GNAL: variants seen among roughly 807,000 people sequenced by gnomAD.
GNAL encodes the protein G protein subunit alpha L, also known as guanine nucleotide-binding protein G(olf) subunit alpha.
A neutral mutation model predicts 55.1 loss-of-function variants in GNAL; 18 were observed. The ratio of observed to expected loss-of-function variants is 0.33; its 90% CI spans 0.23 to 0.48. GNAL has a LOEUF of 0.48. GNAL is among the 20% of genes least tolerant of loss of function. The probability of loss-of-function intolerance (pLI) is 0.99; values close to 1 mark genes in which losing one functional copy is unlikely to be tolerated. For missense variants in GNAL, 412 were observed against 614.1 expected, an observed-to-expected ratio of 0.67 and a Z score of 3.48; for synonymous variants, 253 against 237.0, an observed-to-expected ratio of 1.07 and a Z score of -0.62.
At chr18:11,710,343 T>A (rs1389917360) in intron 1 of GNAL, among the ~76,000 whole-genome samples, 1 of 152,274 alleles carries the variant, frequency 6.6e-6, no homozygotes, top group Non-Finnish European at 1.5e-5. Context: ...TGACGCAGTT[T>A]ACATCTTTTT....
intron 5 of GNAL, among the ~76,000 whole-genome samples, chr18:11,859,163 C>G (rs200612044): frequency 6.6e-6 from 1 of 152,182 alleles, no homozygotes; most frequent in Non-Finnish European, 1.5e-5. Context: ...CCTTCCAGCT[C>G]TTTTCATCAG....
At position 11,806,434 on chromosome 18, in the gene GNAL, G is replaced by C. The variant is rs560039931; in HGVS notation, c.625-18484G>C. On this transcript the variant is annotated intron_variant, in intron 4 of 11. Transcript: ENST00000334049. ...TCTTTGCCTAGACCAATGTCCAGAA[G>C]AGTTTTCCCTAGGTTTCCTTTTAGT... is the stretch of plus-strand genomic sequence containing the variant. Among the ~76,000 whole-genome samples the C allele has an allele frequency of 5.9e-5, 9 of 152,302 alleles. No individual in the cohort carries two copies. In the East Asian group the frequency reaches 1.7e-3, roughly 29 times the overall value.
chr18:11,874,366 A>G (rs2036474131), intron 10 of GNAL: 1 of 151,822 alleles, frequency 6.6e-6, no homozygotes, highest in African/African-American at 2.4e-5. Flanking sequence ...TTAAACTCAC[A>G]GTAATTGTGC....
rs1360501550 is a variant in GNAL at position 11,882,348 on chromosome 18, A to ACTT, written c.*1214_*1216dup. 1.3e-5 allele frequency: 2 copies of ACTT among 152,124 alleles called. No individual in the cohort carries two copies. The highest frequency in any genetic ancestry group is 2.9e-5 in the Non-Finnish European group (2 of 68,016). The allele number at this position is 152,124 out of a possible 1,614,324, so 9.4% of individuals were successfully genotyped here. ...CAGGTCCATCATTCCCTTAGTCAAAACTTTGGACACAGGCTACGTCATACA... is the reference window on the plus strand; with the variant it reads ...CAGGTCCATCATTCCCTTAGTCAAAACTTCTTTGGACACAGGCTACGTCATACA... On this transcript the variant is annotated 3_prime_UTR_variant, in exon 12 of 12. Coordinates refer to ENST00000334049, the MANE Select transcript of GNAL (RefSeq NM_182978.4).
chr18:11,747,128 C>T (rs531099494), intron 1 of GNAL: 15 of 406,684 alleles, frequency 3.7e-5, no homozygotes, highest in South Asian at 6.2e-5. Flanking sequence ...GAACTGCCCA[C>T]GCTGCCCACA....
At position 11,885,625 on chromosome 18, in the gene GNAL, TGA is replaced by T. The variant is rs1427015218; in HGVS notation, c.*4491_*4492del. 1 of 1,580,368 alleles carries T rather than the reference TGA, an allele frequency of 6.3e-7. No homozygotes were observed. The highest frequency in any genetic ancestry group is 1.4e-5 in the African/African-American group (1 of 73,890). ...GCAATTAAATAGTTGATTACTGTGT[TGA>T]TTTAAATACTTATGAAAGCTTTCAG... On this transcript the variant is annotated 3_prime_UTR_variant, in exon 12 of 12. Transcript: ENST00000334049.
chr18:11,699,597 C>T (rs1048996130), intron 1 of GNAL, among the ~76,000 whole-genome samples: 2 of 151,660 alleles, frequency 1.3e-5, no homozygotes, highest in African/African-American at 4.9e-5. Context: ...AACCCTTTTA[C>T]TGAAAAACAG....
At position 11,799,278 on chromosome 18, in the gene GNAL, C is replaced by G. The variant is rs145738895; in HGVS notation, c.625-25640C>G. On this transcript the variant is annotated intron_variant, in intron 4 of 11. Transcript: ENST00000334049. ...TTGAAAGAAAGTATCATGTCTCCAG[C>G]CCAGAAGCACTGTGAGTACTTCACC... is the stretch of plus-strand genomic sequence containing the variant. 5.1e-3 allele frequency among the ~76,000 whole-genome samples: 772 copies of G among 152,234 alleles called. 4 individuals are homozygous for G. Among genetic ancestry groups the G allele is most frequent in the African/African-American group, 0.017 (723 of 41,550 alleles).
intron 5 of GNAL, among the ~76,000 whole-genome samples, chr18:11,839,280 A>G (rs752631779): frequency 5.7e-4 from 86 of 152,094 alleles, no homozygotes; most frequent in Admixed American, 1.1e-3. Flanking sequence ...ACAGTGGCTC[A>G]CGCCTGTAAT....
chr18:11,864,471 G>A (rs1016685931), intron 6 of GNAL, 62 bp from the exon 7 acceptor site: 7 of 847,586 alleles, frequency 8.3e-6, no homozygotes, highest in Admixed American at 1.7e-5. Flanking sequence ...AGTTATACCC[G>A]GGCTTTACCT....
intron 9 of GNAL, among the ~76,000 whole-genome samples, chr18:11,872,066 G>C (rs939869778): frequency 5.3e-5 from 8 of 152,114 alleles, no homozygotes; most frequent in African/African-American, 1.9e-4. Flanking sequence ...TTGTGTTTTT[G>C]GATTAGGGAT....
intron 5 of GNAL, among the ~76,000 whole-genome samples, chr18:11,839,301 T>C: frequency 6.6e-6 from 1 of 151,954 alleles, no homozygotes; most frequent in Non-Finnish European, 1.5e-5. Context: ...CTCAACACTT[T>C]GGGAGGCCAA....
intron 1 of GNAL, among the ~76,000 whole-genome samples, chr18:11,704,267 C>T (rs2031652151): frequency 1.3e-5 from 2 of 152,152 alleles, no homozygotes; most frequent in African/African-American, 4.8e-5. Context: ...ATGGATTATA[C>T]CCTAGGACAC....
chr18:11,790,223 G>A (rs1173612972), intron 4 of GNAL, among the ~76,000 whole-genome samples: 5 of 152,160 alleles, frequency 3.3e-5, no homozygotes, highest in Admixed American at 2.6e-4. Flanking sequence ...TGGGCAGGGG[G>A]TGTTCAGAGC....
chr18:11,754,074 C>G, intron 4 of GNAL, 129 bp downstream of exon 4: 1 of 716,008 alleles, frequency 1.4e-6, no homozygotes, highest in Non-Finnish European at 2.4e-6. Flanking sequence ...TCTCTAAATG[C>G]ATAAGAGGAA....
At chr18:11,736,256 A>G (rs9303745) in intron 1 of GNAL, among the ~76,000 whole-genome samples, 19,116 of 152,140 alleles carry the variant, frequency 0.13, 2,504 homozygotes, top group African/African-American at 0.34. Flanking sequence ...TTAGCCATGC[A>G]TGGTGGCACA....
chr18:11,738,558 C>A (rs2032505482), intron 1 of GNAL, among the ~76,000 whole-genome samples: 1 of 152,164 alleles, frequency 6.6e-6, no homozygotes, highest in African/African-American at 2.4e-5. Flanking sequence ...AGCAATTCTC[C>A]TGCCTCAGCC....
At chr18:11,777,166 G>T (rs1409614748) in intron 4 of GNAL, among the ~76,000 whole-genome samples, 1 of 152,166 alleles carries the variant, frequency 6.6e-6, no homozygotes, top group African/African-American at 2.4e-5. Flanking sequence ...GTGGGCTTTG[G>T]CCAAGTTTTC....
chr18:11,885,292 C>A lies in GNAL; in HGVS notation c.*4157C>A. The A allele has an allele frequency of 3.6e-6, 1 of 280,488 alleles. No homozygotes were observed. The highest frequency in any genetic ancestry group is 6.9e-6 in the Non-Finnish European group (1 of 144,932). 17.4% of individuals were successfully genotyped at this position (280,488 alleles called of 1,614,324 possible). ...ATCTTTTATCAACCTGCAAAAGCTG[C>A]AGCGTTCTCTGCCAGGTCAAATGGG... On this transcript the variant is annotated 3_prime_UTR_variant, in exon 12 of 12. Transcript: ENST00000334049.
Sources: allele counts gnomAD v4.1 joint callset (sites outside exome capture counted in the v4.1 genomes callset), GRCh38; gene constraint gnomAD v4.1.1; transcripts MANE v1.5; gene names NCBI Gene and HGNC (gene_info 2026-07-23, HGNC 2026-07-21).